The following CLNK variants were observed in gnomAD, a reference collection of about 807,000 sequenced individuals.
The protein encoded by CLNK is cytokine-dependent hematopoietic cell linker.
Under a neutral mutation model 68.6 loss-of-function variants are expected in CLNK, and 74 were observed. The observed-to-expected ratio is 1.08, with a 90% CI of 0.89 to 1.31. The LOEUF is 1.31. Among genes scored for constraint, CLNK ranks in the 50% most tolerant of loss-of-function variants. The pLI is 0.00. For synonymous variants in CLNK, 198 were observed against 172.2 expected, an observed-to-expected ratio of 1.15 and a Z score of -1.17; for missense variants, 553 against 515.3, an observed-to-expected ratio of 1.07 and a Z score of -0.71.
chr4:10,538,128 A>T (rs1718870585), intron 11 of CLNK, among the ~76,000 whole-genome samples: 2 of 152,012 alleles, frequency 1.3e-5, no homozygotes, highest in South Asian at 4.2e-4. Context: ...TTATATATTT[A>T]TTTTTTTGAG....
intron 1 of CLNK, among the ~76,000 whole-genome samples, chr4:10,681,380 A>C (rs535075824): frequency 2.0e-5 from 3 of 152,318 alleles, no homozygotes; most frequent in South Asian, 4.1e-4. Flanking sequence ...CAGCCCTCTC[A>C]GAGTTTGGGC....
intron 10 of CLNK, 32 bp downstream of exon 10, chr4:10,541,990 G>T: frequency 1.3e-6 from 2 of 1,484,404 alleles, no homozygotes; most frequent in Non-Finnish European, 1.8e-6. Flanking sequence ...TCATTGTATA[G>T]CGAAAAAAAA....
chr4:10,493,260 G>A (rs1716658027), intron 18 of CLNK, among the ~76,000 whole-genome samples: 1 of 152,238 alleles, frequency 6.6e-6, no homozygotes, highest in African/African-American at 2.4e-5. Context: ...GGAGGTTGCA[G>A]TGAGCTGTGA....
chr4:10,669,270 T>C (rs1207351255), intron 1 of CLNK, among the ~76,000 whole-genome samples: 1 of 152,202 alleles, frequency 6.6e-6, no homozygotes, highest in East Asian at 1.9e-4. Context: ...CCTGCATCCC[T>C]CCGTGACATC....
In CLNK at chr4:10,641,230, G is replaced by C. The variant is rs540800813; in HGVS notation, c.11+26629C>G. On this transcript the variant is annotated intron_variant, in intron 2 of 18. Coordinates refer to ENST00000226951, the MANE Select transcript of CLNK (RefSeq NM_052964.4). Reference sequence around the variant, plus strand: ...AGGCTTACTCAGTGGGGTTTCACAGGCCTCCTGGGGCTGGAGGACTGGTAT... The same window carrying C: ...AGGCTTACTCAGTGGGGTTTCACAGCCCTCCTGGGGCTGGAGGACTGGTAT... 2.6e-5 allele frequency among the ~76,000 whole-genome samples: 4 copies of C among 152,308 alleles called. No individual in the cohort carries two copies. The South Asian group carries it at 8.3e-4, about 32-fold the overall frequency.
At chr4:10,636,955 A>G (rs1560255545) in intron 2 of CLNK, among the ~76,000 whole-genome samples, 1 of 152,104 alleles carries the variant, frequency 6.6e-6, no homozygotes, top group South Asian at 2.1e-4. Context: ...TTCCAAGTAC[A>G]CTTGTGACTC....
intron 7 of CLNK, among the ~76,000 whole-genome samples, chr4:10,564,065 A>G (rs568836483): frequency 1.5e-4 from 22 of 150,892 alleles, no homozygotes; most frequent in African/African-American, 4.4e-4. Flanking sequence ...ATAAAATTCT[A>G]TGTATGCATT....
intron 16 of CLNK, among the ~76,000 whole-genome samples, chr4:10,509,523 C>T (rs1717473090): frequency 8.8e-6 from 1 of 114,108 alleles, no homozygotes; most frequent in African/African-American, 2.9e-5. Context: ...CCAAAAGTCA[C>T]CTCTTTTTTT....
chr4:10,492,922 T>A (rs1163297386), intron 18 of CLNK, among the ~76,000 whole-genome samples: 1 of 152,222 alleles, frequency 6.6e-6, no homozygotes, highest in Non-Finnish European at 1.5e-5. Flanking sequence ...AGAGTCCTGG[T>A]TCAATCTGTA....
At chr4:10,683,682 C>G (rs895047193) in intron 1 of CLNK, among the ~76,000 whole-genome samples, 2 of 152,190 alleles carry the variant, frequency 1.3e-5, no homozygotes, top group African/African-American at 4.8e-5. Context: ...CTAGGGCATA[C>G]TGTATCTTAA....
At chr4:10,725,648 T>G in the CLNK span, among the ~76,000 whole-genome samples, 1 of 152,018 alleles carries the variant, frequency 6.6e-6, no homozygotes, top group Non-Finnish European at 1.5e-5. Flanking sequence ...GGTCAGGAGA[T>G]CGAGACCATC....
At chr4:10,584,732 C>T (rs1358237505) in intron 4 of CLNK, among the ~76,000 whole-genome samples, 195 bp downstream of exon 4, 1 of 152,186 alleles carries the variant, frequency 6.6e-6, no homozygotes, top group African/African-American at 2.4e-5. Flanking sequence ...ATCCAGCCAC[C>T]CAGCCTCCAA....
intron 7 of CLNK, among the ~76,000 whole-genome samples, chr4:10,562,564 C>T (rs1266982968): frequency 6.6e-6 from 1 of 152,100 alleles, no homozygotes; most frequent in African/African-American, 2.4e-5. Context: ...CACCACCACA[C>T]CCGGCTAATT....
At chr4:10,526,947 A>T (rs1286415793) in intron 13 of CLNK, among the ~76,000 whole-genome samples, 1 of 152,234 alleles carries the variant, frequency 6.6e-6, no homozygotes, top group African/African-American at 2.4e-5. Flanking sequence ...GGGTGCATAC[A>T]GGCACCAACA....
chr4:10,628,124 T>G (rs1198798773), intron 2 of CLNK, among the ~76,000 whole-genome samples: 1 of 152,226 alleles, frequency 6.6e-6, no homozygotes, highest in Admixed American at 6.5e-5. Context: ...CTTTTCAAAA[T>G]GTGTACCTGT....
chr4:10,504,220 A>C (rs1173394774), intron 17 of CLNK, among the ~76,000 whole-genome samples: 4 of 136,130 alleles, frequency 2.9e-5, no homozygotes, highest in African/African-American at 1.1e-4. Flanking sequence ...TCCTGGGTTC[A>C]CGCCGTTCTC....
intron 2 of CLNK, among the ~76,000 whole-genome samples, chr4:10,631,904 C>CT (rs1002062449): frequency 6.6e-6 from 1 of 152,076 alleles, no homozygotes; most frequent in Non-Finnish European, 1.5e-5. Context: ...TCAAATATGT[C>CT]TTTTTTTGAG....
chr4:10,725,625 G>A, the CLNK span, among the ~76,000 whole-genome samples: 11 of 152,094 alleles, frequency 7.2e-5, no homozygotes, highest in African/African-American at 2.2e-4. Flanking sequence ...AGGCCAAGGC[G>A]GGCGGATCAC....
At chr4:10,496,529 C>T (rs924493094) in intron 18 of CLNK, among the ~76,000 whole-genome samples, 1 of 152,290 alleles carries the variant, frequency 6.6e-6, no homozygotes, top group East Asian at 1.9e-4. Context: ...ATTTTTTACC[C>T]ACTGCCTGGA....
Sources: gnomAD v4.1 joint callset for allele counts (sites outside exome capture counted in the v4.1 genomes callset) on GRCh38, gnomAD v4.1.1 for gene constraint, MANE v1.5 for transcripts, NCBI Gene and HGNC (gene_info 2026-07-23, HGNC 2026-07-21) for gene names.